Variants in VPS53 observed in about 807,000 individuals in gnomAD.
The protein encoded by VPS53 is VPS53 subunit of GARP complex.
In VPS53, 70 loss-of-function variants were observed where a neutral mutation model predicts 107.0. That is an observed-to-expected ratio of 0.65 (90% CI 0.54 to 0.80). VPS53 has a LOEUF of 0.80. VPS53 is among the 30% of genes least tolerant of loss of function. The pLI, the probability that VPS53 is intolerant of heterozygous loss-of-function variation, is 0.00. For synonymous variants in VPS53, 409 were observed against 393.3 expected (o/e 1.04, Z -0.47); for missense variants, 917 against 1,049.4 (o/e 0.87, Z 1.74).
At chr17:554,650 A>G (rs1451567214) in intron 15 of VPS53, among the ~76,000 whole-genome samples, 1 of 152,152 alleles carries the variant, frequency 6.6e-6, no homozygotes, top group East Asian at 1.9e-4. Flanking sequence ...TGATCCACCC[A>G]CCTCCGTGTC....
intron 15 of VPS53, among the ~76,000 whole-genome samples, chr17:555,455 C>T (rs1912247058): frequency 6.6e-6 from 1 of 152,150 alleles, no homozygotes; most frequent in South Asian, 2.1e-4. Context: ...CCTCAGCCTC[C>T]CAAAGTGCTG....
intron 13 of VPS53, among the ~76,000 whole-genome samples, chr17:572,239 C>T (rs1419510314): frequency 4.0e-5 from 6 of 150,286 alleles, no homozygotes; most frequent in East Asian, 2.0e-4. Flanking sequence ...GCCGCGACCC[C>T]GTCTGGGAGG....
intron 13 of VPS53, among the ~76,000 whole-genome samples, chr17:576,948 T>C (rs1914670720): frequency 7.1e-6 from 1 of 141,242 alleles, no homozygotes; most frequent in South Asian, 2.3e-4. Flanking sequence ...ACCTCAATGC[T>C]TTCCTAGAGA....
chr17:525,996 CAAAA>C (rs10677094), intron 19 of VPS53, among the ~76,000 whole-genome samples: 1 of 74,686 alleles, frequency 1.3e-5, no homozygotes, highest in Non-Finnish European at 2.5e-5. Context: ...GACATTTTCT[CAAAA>C]AAAAAAAAAA....
intron 12 of VPS53, chr17:600,906 AGG>A (rs1215246298): frequency 6.6e-6 from 1 of 152,254 alleles, no homozygotes; most frequent in Non-Finnish European, 1.5e-5. Context: ...CATTTAATCA[AGG>A]GACCAGACAC....
chr17:549,275 G>A (rs1277739501), intron 17 of VPS53, among the ~76,000 whole-genome samples: 1 of 152,242 alleles, frequency 6.6e-6, no homozygotes, highest in Non-Finnish European at 1.5e-5. Flanking sequence ...CACAGAATGT[G>A]TGTTGAATCA....
Position 524,820 on chromosome 17 carries a change from G to A in VPS53, c.2086-3082C>T, listed in dbSNP as rs1197712367. Among the ~76,000 whole-genome samples, 1 of 152,174 alleles carries A rather than the reference G, an allele frequency of 6.6e-6. No homozygotes were observed. Among genetic ancestry groups the A allele is most frequent in the South Asian group, 2.1e-4 (1 of 4,832 alleles). ...TAAACAGGTTGATAATCTAGTGTGG[G>A]CACGGCCACACTGAAATTCAGACTA... On this transcript the variant is annotated intron_variant, in intron 19 of 21. Transcript: ENST00000437048. The surrounding 1 kb of genome is among the most constrained non-coding windows in gnomAD (Gnocchi z 4.5).
At chr17:571,688 G>A (rs1006640492) in intron 13 of VPS53, among the ~76,000 whole-genome samples, 1 of 152,236 alleles carries the variant, frequency 6.6e-6, no homozygotes, top group Admixed American at 6.5e-5. Context: ...GATTGCAGGC[G>A]CGCGCTGCCA....
At chr17:643,614 T>C (rs964823154) in intron 7 of VPS53, among the ~76,000 whole-genome samples, 23 of 149,012 alleles carry the variant, frequency 1.5e-4, no homozygotes, top group Middle Eastern at 7.1e-3. Context: ...ACAACACTCA[T>C]ACTTGGAAAC....
intron 11 of VPS53, among the ~76,000 whole-genome samples, chr17:622,934 G>T (rs1176630796): frequency 6.6e-6 from 1 of 151,608 alleles, no homozygotes. Context: ...AAGCAATCCT[G>T]CCTTGGCCTC....
chr17:647,989 A>G (rs974016334), intron 7 of VPS53, among the ~76,000 whole-genome samples: 3 of 152,168 alleles, frequency 2.0e-5, no homozygotes, highest in African/African-American at 7.2e-5. Flanking sequence ...GTGAATGCTC[A>G]CGTCAGGCGG....
intron 18 of VPS53, 77 bp from the exon 19 acceptor site, chr17:532,988 G>GT (rs2151807725): frequency 1.3e-6 from 2 of 1,534,748 alleles, no homozygotes; most frequent in Admixed American, 2.0e-5. Context: ...AAGGTTCCAC[G>GT]TATCTCCATG....
At chr17:598,118 C>T (rs1052710095) in intron 12 of VPS53, among the ~76,000 whole-genome samples, 13 of 152,194 alleles carry the variant, frequency 8.5e-5, no homozygotes, top group African/African-American at 2.7e-4. Flanking sequence ...ATTGCAGGCT[C>T]GCGCCGCCAC....
chr17:554,782 A>G (rs1467866001), intron 15 of VPS53, among the ~76,000 whole-genome samples: 1 of 152,258 alleles, frequency 6.6e-6, no homozygotes, highest in Non-Finnish European at 1.5e-5. Flanking sequence ...AAATTAGCAT[A>G]AACTTTTTGG....
chr17:644,620 C>T (rs1970606189), intron 7 of VPS53, among the ~76,000 whole-genome samples: 1 of 151,012 alleles, frequency 6.6e-6, no homozygotes, highest in Non-Finnish European at 1.5e-5. Flanking sequence ...GGTCTGCTTT[C>T]TTGCCCAGGC....
intron 17 of VPS53, among the ~76,000 whole-genome samples, chr17:548,481 A>ATACACTTATTTACAGT (rs1911465820): frequency 7.0e-6 from 1 of 142,360 alleles, no homozygotes; most frequent in Non-Finnish European, 1.5e-5. Flanking sequence ...GTCCTTCTGG[A>ATACACTTATTTACAGT]ATCATCCAAC....
intron 4 of VPS53, among the ~76,000 whole-genome samples, chr17:683,482 A>G (rs1052619889): frequency 1.3e-5 from 2 of 152,352 alleles, no homozygotes; most frequent in South Asian, 2.1e-4. Flanking sequence ...AGCTGAGAGC[A>G]TTTCTTGCCA....
intron 13 of VPS53, among the ~76,000 whole-genome samples, chr17:578,852 T>G (rs1914899676): frequency 6.7e-6 from 1 of 148,474 alleles, no homozygotes; most frequent in Admixed American, 6.7e-5. Flanking sequence ...CCTAATGCGG[T>G]CCCAGAGAAC....
chr17:632,379 T>A (rs566981289), intron 7 of VPS53, among the ~76,000 whole-genome samples: 1 of 152,198 alleles, frequency 6.6e-6, no homozygotes, highest in African/African-American at 2.4e-5. Context: ...TAAAAAATTA[T>A]TATGGGTATA....
Sources: allele counts gnomAD v4.1 joint callset (sites outside exome capture counted in the v4.1 genomes callset), GRCh38; gene constraint gnomAD v4.1.1; non-coding constraint Gnocchi (gnomAD v3.1); transcripts MANE v1.5; gene names NCBI Gene and HGNC (gene_info 2026-07-23, HGNC 2026-07-21).